GRAMD2A: variants seen among roughly 807,000 people sequenced by gnomAD.
The protein encoded by GRAMD2A is GRAM domain containing 2A, also known as GRAM domain-containing protein 2A.
In GRAMD2A, 37 loss-of-function variants were observed where a neutral mutation model predicts 51.1. That is an observed-to-expected ratio of 0.72 (90% CI 0.56 to 0.95). The LOEUF is 0.95. GRAMD2A is among the 40% of genes least tolerant of loss of function. The pLI, the probability that GRAMD2A is intolerant of heterozygous loss-of-function variation, is 0.00. For synonymous variants in GRAMD2A, 136 were observed against 157.1 expected, an observed-to-expected ratio of 0.87 and a Z score of 1.01; for missense variants, 414 against 426.9, an observed-to-expected ratio of 0.97 and a Z score of 0.27.
chr15:72,189,838 G>C (rs1438359121), intron 1 of GRAMD2A, among the ~76,000 whole-genome samples: 1 of 152,186 alleles, frequency 6.6e-6, no homozygotes, highest in Non-Finnish European at 1.5e-5. Context: ...TTTGAACCCA[G>C]GTCTGTCTGA....
intron 1 of GRAMD2A, among the ~76,000 whole-genome samples, chr15:72,188,628 A>AT (rs1188909180): frequency 6.6e-6 from 1 of 151,886 alleles, no homozygotes; most frequent in East Asian, 1.9e-4. Context: ...ACGAATTGGG[A>AT]TTTTTACATG....
chr15:72,190,387 A>AG (rs1441332106), intron 1 of GRAMD2A, among the ~76,000 whole-genome samples: 3 of 152,132 alleles, frequency 2.0e-5, no homozygotes, highest in African/African-American at 7.2e-5. Flanking sequence ...TAAAAAAAAA[A>AG]AGGTTCTTCC....
Position 72,162,171 on chromosome 15 carries a change from C to A in GRAMD2A, c.1061+102G>T, listed in dbSNP as rs550908148. The A allele has an allele frequency of 3.3e-5, 44 of 1,343,054 alleles. 1 individual carries two copies. The South Asian group carries it at 5.1e-4, about 16-fold the overall frequency. The allele number at this position is 1,343,054 out of a possible 1,614,324, so 83.2% of individuals were successfully genotyped here. On this transcript the variant is annotated intron_variant, in intron 11 of 11. Coordinates refer to ENST00000309731, the MANE Select transcript of GRAMD2A (RefSeq NM_001012642.3). ...AACCTTGCTTAGGGTCAGAAGCCAGCTCAAAACAGGACCAAGTCCAGCCAG... is the reference window on the plus strand; with the variant it reads ...AACCTTGCTTAGGGTCAGAAGCCAGATCAAAACAGGACCAAGTCCAGCCAG...
At chr15:72,162,484 T>G in intron 10 of GRAMD2A, 107 bp from the exon 11 acceptor site, 1 of 750,230 alleles carries the variant, frequency 1.3e-6, no homozygotes, top group Admixed American at 2.4e-5. Flanking sequence ...GTTGGAAGAA[T>G]TAAAGAGCCC....
chr15:72,166,593 G>C lies in GRAMD2A; in HGVS notation c.543+39C>G. On this transcript the variant is annotated intron_variant, in intron 7 of 11. Coordinates refer to ENST00000309731, the MANE Select transcript of GRAMD2A (RefSeq NM_001012642.3). This position sits in a 1 kb window ranked among gnomAD's most constrained non-coding sequence, Gnocchi z 4.1. Reference sequence around the variant, plus strand: ...TTGTGCAAGACCTGCATCCAGGCCTGAGCGACTTCCCTGGCCTTCCTGCTC... The same window carrying C: ...TTGTGCAAGACCTGCATCCAGGCCTCAGCGACTTCCCTGGCCTTCCTGCTC... The C allele has an allele frequency of 6.6e-7, 1 of 1,516,224 alleles. No homozygotes were observed. The highest frequency in any genetic ancestry group is 9.2e-7 in the Non-Finnish European group (1 of 1,091,668). 93.9% of individuals were successfully genotyped at this position (1,516,224 alleles called of 1,614,324 possible). A position where few individuals can be genotyped will look rare whatever the true frequency, so the allele number is the denominator to read the frequency against.
chr15:72,184,372 C>T (rs567477567), intron 1 of GRAMD2A, among the ~76,000 whole-genome samples: 2 of 152,254 alleles, frequency 1.3e-5, no homozygotes, highest in Non-Finnish European at 2.9e-5. Flanking sequence ...CCCGGCTGGC[C>T]CCAGCTGACC....
chr15:72,177,132 G>T (rs1461108905), intron 1 of GRAMD2A, among the ~76,000 whole-genome samples: 1 of 150,540 alleles, frequency 6.6e-6, no homozygotes, highest in African/African-American at 2.4e-5. Context: ...AAAGTGCTCG[G>T]ATTACAGGCA....
intron 1 of GRAMD2A, among the ~76,000 whole-genome samples, chr15:72,179,366 G>C (rs1416361115): frequency 6.6e-6 from 1 of 152,236 alleles, no homozygotes; most frequent in Non-Finnish European, 1.5e-5. Context: ...TCCTAACTGG[G>C]AAATCCGAGA....
intron 1 of GRAMD2A, among the ~76,000 whole-genome samples, chr15:72,184,791 C>T (rs866465212): frequency 6.6e-6 from 1 of 152,186 alleles, no homozygotes; most frequent in Non-Finnish European, 1.5e-5. Flanking sequence ...TTCCAGCCAC[C>T]GCACACAGGA....
At chr15:72,189,723 C>T (rs1414612356) in intron 1 of GRAMD2A, among the ~76,000 whole-genome samples, 1 of 152,182 alleles carries the variant, frequency 6.6e-6, no homozygotes, top group Non-Finnish European at 1.5e-5. Flanking sequence ...GGCCATTACA[C>T]AGCCAGAGTA....
chr15:72,191,966 G>A (rs1332195920), intron 1 of GRAMD2A, among the ~76,000 whole-genome samples: 4 of 152,206 alleles, frequency 2.6e-5, no homozygotes, highest in African/African-American at 4.8e-5. Context: ...ACATTTATGA[G>A]ACAATGGAGG....
intron 1 of GRAMD2A, among the ~76,000 whole-genome samples, chr15:72,193,396 T>G (rs2081782237): frequency 6.6e-6 from 1 of 151,812 alleles, no homozygotes; most frequent in Non-Finnish European, 1.5e-5. Flanking sequence ...TTTTGTATTT[T>G]TAGTAGAGAC....
At position 72,162,356 on chromosome 15, in the gene GRAMD2A, G is replaced by T. The variant is rs2305702; in HGVS notation, c.978C>A (p.Ser326=). 4.3e-6 allele frequency: 7 copies of T among 1,613,700 alleles called. No individual in the cohort carries two copies. In the East Asian group the frequency reaches 1.6e-4, roughly 36 times the overall value. Reference sequence around the variant, plus strand: ...AAATACGGAACGCCAGGTAGGATGAGGACATGACCAGGAAGCAGATCCTGA... The same window carrying T: ...AAATACGGAACGCCAGGTAGGATGATGACATGACCAGGAAGCAGATCCTGA... ...FFVLICFLVM[S]SSYLAFRISR... The change falls in exon 11 of 12, where the codon TCC becomes TCA. Residue 326 remains serine (S), a synonymous_variant. Coordinates refer to ENST00000309731, the MANE Select transcript of GRAMD2A (RefSeq NM_001012642.3).
rs1346288234 is a variant in GRAMD2A, at chr15:72,163,633, G to C, written c.725C>G (p.Ser242Cys). Residue 242 changes from serine (S) to cysteine (C), a missense_variant, in exon 9 of 12, where the codon TCC (serine) becomes TGC (cysteine). Coordinates refer to ENST00000309731, the MANE Select transcript of GRAMD2A (RefSeq NM_001012642.3). ...CTTACCAGACATTGGAGGCTTCCTG[G>C]AGGGGAAGAAACTGTCTGTGGAGTC... ...SVDSTDSFFP[S>C]RKPPMSEKSR... 5 of 1,598,890 alleles carry C rather than the reference G, an allele frequency of 3.1e-6. No homozygotes were observed. In the African/African-American group the frequency reaches 6.8e-5, roughly 22 times the overall value.
intron 1 of GRAMD2A, among the ~76,000 whole-genome samples, chr15:72,174,439 G>A (rs1000823778): frequency 5.3e-5 from 8 of 152,250 alleles, no homozygotes; most frequent in African/African-American, 1.4e-4. Flanking sequence ...ATCTCCTCCC[G>A]CTCTGTCCCA....
chr15:72,188,338 AAG>A (rs1458104861), intron 1 of GRAMD2A, among the ~76,000 whole-genome samples: 1 of 152,022 alleles, frequency 6.6e-6, no homozygotes. Flanking sequence ...CTTCGTCTCA[AAG>A]AAAAAAAAAA....
intron 4 of GRAMD2A, among the ~76,000 whole-genome samples, chr15:72,168,052 C>T (rs2081568125): frequency 6.6e-6 from 1 of 152,176 alleles, no homozygotes; most frequent in Non-Finnish European, 1.5e-5. Context: ...CACCAGCCTG[C>T]TGGATGTTTC....
At chr15:72,196,781 A>T (rs1309231844) in intron 1 of GRAMD2A, among the ~76,000 whole-genome samples, 1 of 152,156 alleles carries the variant, frequency 6.6e-6, no homozygotes, top group African/African-American at 2.4e-5. Flanking sequence ...CAGAGCAGAG[A>T]CACAGACGAC....
At chr15:72,172,212 G>A (rs1377164030) in intron 1 of GRAMD2A, among the ~76,000 whole-genome samples, 4 of 151,886 alleles carry the variant, frequency 2.6e-5, no homozygotes, top group Non-Finnish European at 4.4e-5. Flanking sequence ...TCAGCCTCCC[G>A]AGCTCATGTG....
Sources: allele counts gnomAD v4.1 joint callset (sites outside exome capture counted in the v4.1 genomes callset), GRCh38; gene constraint gnomAD v4.1.1; non-coding constraint Gnocchi (gnomAD v3.1); transcripts MANE v1.5; gene names NCBI Gene and HGNC (gene_info 2026-07-23, HGNC 2026-07-21).